The following GPR35 variants were observed in gnomAD, a reference collection of about 807,000 sequenced individuals.
GPR35 encodes the protein KYNA receptor.
For missense variants in GPR35, 372 were observed against 422.5 expected, an observed-to-expected ratio of 0.88 and a Z score of 1.05; for synonymous variants, 207 against 198.4, an observed-to-expected ratio of 1.04 and a Z score of -0.36.
Position 240,614,469 on chromosome 2 carries a change from C to T in GPR35, c.-576-1919C>T, listed in dbSNP as rs577701428. ...GACTTCCCAGGGACTTGAGCCAGCC[C>T]CTGGCCCCCAGGCCTTGGTTTCCCC... On this transcript the variant is annotated intron_variant, in intron 2 of 5. Transcript: ENST00000319838. 5.3e-5 allele frequency among the ~76,000 whole-genome samples: 8 copies of T among 152,374 alleles called. No individual in the cohort carries two copies. In the South Asian group the frequency reaches 8.3e-4, roughly 16 times the overall value.
At chr2:240,623,404 GCGCAAACAGA>G (rs879597456), upstream of GPR35, among the ~76,000 whole-genome samples, 9,775 of 87,812 alleles carry the variant, frequency 0.11, 1,716 homozygotes, top group Middle Eastern at 0.2. Flanking sequence ...GGTCGTGAGG[GCGCAAACAGA>G]TCGTGAGGGC....
In GPR35 at chr2:240,619,475, G is replaced by A. The variant is rs114693392; in HGVS notation, c.-5+444G>A. Among the ~76,000 whole-genome samples the A allele has an allele frequency of 9.1e-3, 1,388 of 152,320 alleles. 21 individuals carry two copies. Among genetic ancestry groups the A allele is most frequent in the African/African-American group, 0.032 (1,324 of 41,560 alleles). On this transcript the variant is annotated intron_variant, in intron 5 of 5. Transcript: ENST00000319838. ...CGGGAGTGAGAACTCTCCACACAGT[G>A]CTTCTTCTGGGGTTAAGGACCCTCT...
At chr2:240,611,231 G>T (rs186539191) in intron 2 of GPR35, among the ~76,000 whole-genome samples, 56 of 152,218 alleles carry the variant, frequency 3.7e-4, no homozygotes, top group African/African-American at 1.3e-3. Flanking sequence ...GCCTCACAAA[G>T]TTCTGGGGTT....
chr2:240,623,644 G>C (rs79386107), upstream of GPR35, among the ~76,000 whole-genome samples: 4,774 of 152,248 alleles, frequency 0.031, 257 homozygotes, highest in African/African-American at 0.11. Flanking sequence ...CCAGGCTCCA[G>C]GCTGGGTGGG....
At chr2:240,625,431 G>C (rs1288783924), upstream of GPR35, 21 of 985,462 alleles carry the variant, frequency 2.1e-5, no homozygotes, top group Non-Finnish European at 2.4e-5. Context: ...CCACCTTAAG[G>C]AGGGGCAGAG....
chr2:240,616,100 T>A (rs1320198977), intron 2 of GPR35, among the ~76,000 whole-genome samples: 1 of 152,184 alleles, frequency 6.6e-6, no homozygotes, highest in Non-Finnish European at 1.5e-5. Flanking sequence ...TTGAGCCTTC[T>A]GTTTCGCCTG....
At chr2:240,615,507 T>C (rs2125478113) in intron 2 of GPR35, among the ~76,000 whole-genome samples, 1 of 152,358 alleles carries the variant, frequency 6.6e-6, no homozygotes, top group South Asian at 2.1e-4. Flanking sequence ...ATGTTCAGAC[T>C]GAAATAAGCA....
intron 1 of GPR35, among the ~76,000 whole-genome samples, chr2:240,625,830 T>G (rs146573685): frequency 0.22 from 3,228 of 14,928 alleles, no homozygotes; most frequent in East Asian, 0.24. Flanking sequence ...CTGTGATGGG[T>G]GTCTCAGAGT....
upstream of GPR35, among the ~76,000 whole-genome samples, chr2:240,623,054 G>A (rs111641563): frequency 0.031 from 3,754 of 119,400 alleles, 55 homozygotes; most frequent in South Asian, 0.084. Flanking sequence ...GACCCCAGGC[G>A]ACCGTGCCTG....
At chr2:240,625,970 G>C (rs201760729) in intron 1 of GPR35, among the ~76,000 whole-genome samples, 2 of 11,140 alleles carry the variant, frequency 1.8e-4, no homozygotes, top group East Asian at 2.8e-3. Flanking sequence ...GGGTGAGGCT[G>C]TGATGGGTTC....
At chr2:240,607,185 A>T (rs7572845) in intron 2 of GPR35, 89,165 of 148,120 alleles carry the variant, frequency 0.6, 26,972 homozygotes, top group East Asian at 0.68. Flanking sequence ...TTTTTTAAAA[A>T]TTTTTTTTTT....
In GPR35 at chr2:240,630,476, T is replaced by A; in HGVS notation, c.524T>A (p.Phe175Tyr). 6.2e-7 allele frequency: 1 copy of A among 1,612,916 alleles called. No individual in the cohort carries two copies. The change falls in exon 2 of 2, where the codon TTC becomes TAC. Residue 175 changes from phenylalanine (F) to tyrosine (Y), a missense_variant. Physicochemically the swap from Phe to Tyr is conservative, Grantham distance 22. Coordinates refer to ENST00000407714, the MANE Select transcript of GPR35 (RefSeq NM_005301.5). ...STRHNFNSMA[F>Y]PLLGFYLPLA... Reference sequence around the variant, plus strand: ...CGGCACAATTTCAACTCCATGGCGTTCCCGCTGCTGGGATTCTACCTGCCC... The same window carrying A: ...CGGCACAATTTCAACTCCATGGCGTACCCGCTGCTGGGATTCTACCTGCCC...
chr2:240,618,275 T>A (rs1234255930), intron 4 of GPR35, among the ~76,000 whole-genome samples: 6 of 152,248 alleles, frequency 3.9e-5, no homozygotes, highest in African/African-American at 1.4e-4. Flanking sequence ...TTACCAACAC[T>A]ACCATCAACA....
At chr2:240,623,668 G>A (rs1290370281), upstream of GPR35, among the ~76,000 whole-genome samples, 4 of 152,134 alleles carry the variant, frequency 2.6e-5, no homozygotes, top group East Asian at 7.7e-4. Context: ...GCCCTGAAGT[G>A]CCTGCGGAGA....
upstream of GPR35, among the ~76,000 whole-genome samples, chr2:240,621,985 G>A (rs192386018): frequency 1.7e-3 from 257 of 152,038 alleles, 1 homozygote; most frequent in Non-Finnish European, 1.4e-3. Context: ...TGCTCCTCCC[G>A]CCTTAGCCTC....
rs919879615 is a variant in GPR35, at chr2:240,632,371, A to C, written c.*1489A>C. 6.6e-6 allele frequency among the ~76,000 whole-genome samples: 1 copy of C among 151,844 alleles called. No homozygotes were observed. Among genetic ancestry groups the C allele is most frequent in the Non-Finnish European group, 1.5e-5 (1 of 67,948 alleles). On this transcript the variant is annotated 3_prime_UTR_variant, in exon 2 of 2. Transcript: ENST00000407714. Reference sequence around the variant, plus strand: ...TCCCTGTCCAGGAGGCTCCATGCCCAGGAGGCTCCATGTCAAGAAAGATTC... The same window carrying C: ...TCCCTGTCCAGGAGGCTCCATGCCCCGGAGGCTCCATGTCAAGAAAGATTC...
At chr2:240,614,870 G>A (rs879786233) in intron 2 of GPR35, among the ~76,000 whole-genome samples, 4 of 150,944 alleles carry the variant, frequency 2.6e-5, no homozygotes, top group African/African-American at 9.9e-5. Context: ...TGTATATGTA[G>A]TATCTATATA....
At chr2:240,613,028 C>T (rs1474708265) in intron 2 of GPR35, among the ~76,000 whole-genome samples, 1 of 152,260 alleles carries the variant, frequency 6.6e-6, no homozygotes, top group Admixed American at 6.5e-5. Context: ...AGTGGCAATT[C>T]CTGGAACTCC....
intron 2 of GPR35, among the ~76,000 whole-genome samples, chr2:240,610,439 A>G (rs909716554): frequency 1.3e-5 from 2 of 152,100 alleles, no homozygotes; most frequent in African/African-American, 4.8e-5. Context: ...ATATCATATC[A>G]GGCAGACAGC....
Sources: gnomAD v4.1 joint callset for allele counts (sites outside exome capture counted in the v4.1 genomes callset) on GRCh38, gnomAD v4.1.1 for gene constraint, MANE v1.5 for transcripts, NCBI Gene and HGNC (gene_info 2026-07-23, HGNC 2026-07-21) for gene names.